Variants in USP7 observed in about 807,000 individuals in gnomAD.
USP7 encodes ubiquitin specific peptidase 7, also known as ubiquitin C-terminal hydrolase 7.
In USP7, 9 loss-of-function variants were observed where a neutral mutation model predicts 162.9. That is an observed-to-expected ratio of 0.06 (90% confidence interval 0.03 to 0.10). The LOEUF (loss-of-function observed/expected upper bound fraction) is 0.10. Ranked by LOEUF, USP7 falls within the 10% of genes least tolerant of loss-of-function variation. The probability of loss-of-function intolerance (pLI) is 1.00; values close to 1 mark genes in which losing one functional copy is unlikely to be tolerated. For synonymous variants in USP7, 562 were observed against 475.9 expected, an observed-to-expected ratio of 1.18 and a Z score of -2.35; for missense variants, 715 against 1,373.7, an observed-to-expected ratio of 0.52 and a Z score of 7.58.
intron 2 of USP7, 131 bp from the exon 3 acceptor site, chr16:8,923,544 C>G (rs1897821058): frequency 1.0e-6 from 1 of 962,186 alleles, no homozygotes; most frequent in African/African-American, 1.6e-5. Flanking sequence ...GAAAAAATTG[C>G]TTCCAATTTA....
At chr16:8,927,236 C>T (rs910672899) in intron 2 of USP7, among the ~76,000 whole-genome samples, 1 of 151,344 alleles carries the variant, frequency 6.6e-6, no homozygotes, top group Non-Finnish European at 1.5e-5. Context: ...GCAGGAGAAT[C>T]GCTTGAACCC....
chr16:8,915,104 GC>G, intron 10 of USP7, 149 bp downstream of exon 10: 1 of 722,596 alleles, frequency 1.4e-6, no homozygotes. Flanking sequence ...GAGGTAACAA[GC>G]CTGTGTTCAC....
intron 2 of USP7, among the ~76,000 whole-genome samples, chr16:8,924,369 T>C (rs1045548814): frequency 1.3e-4 from 20 of 152,246 alleles, no homozygotes; most frequent in Non-Finnish European, 2.6e-4. Context: ...TTCTAAACGC[T>C]TCCTTTCACT....
chr16:8,939,838 G>A (rs577802237), intron 1 of USP7, among the ~76,000 whole-genome samples: 50 of 152,268 alleles, frequency 3.3e-4, no homozygotes, highest in Non-Finnish European at 3.7e-4. Flanking sequence ...AGTGGCTCAC[G>A]CCTGTAATCA....
At chr16:8,927,876 G>A in intron 2 of USP7, among the ~76,000 whole-genome samples, 1 of 152,110 alleles carries the variant, frequency 6.6e-6, no homozygotes, top group East Asian at 1.9e-4. Context: ...CAAGTGCAAT[G>A]GGTCATGCCT....
At chr16:8,925,040 G>A (rs1347830899) in intron 2 of USP7, among the ~76,000 whole-genome samples, 1 of 152,158 alleles carries the variant, frequency 6.6e-6, no homozygotes, top group Non-Finnish European at 1.5e-5. Flanking sequence ...AGAATGGCGT[G>A]GTGGAATAAG....
chr16:8,919,542 CAAG>C (rs775434475), intron 5 of USP7, among the ~76,000 whole-genome samples: 239 of 152,208 alleles, frequency 1.6e-3, no homozygotes, highest in Non-Finnish European at 2.7e-3. Flanking sequence ...GACACACACA[CAAG>C]AAGAAACAGA....
At position 8,893,915 on chromosome 16, in the gene USP7, C is replaced by A. The variant is rs1816548; in HGVS notation, c.*83G>T. 8.2e-7 allele frequency: 1 copy of A among 1,217,608 alleles called. No homozygotes were observed. The highest frequency in any genetic ancestry group is 1.2e-6 in the Non-Finnish European group (1 of 822,110). The allele number at this position is 1,217,608 out of a possible 1,614,324, so 75.4% of individuals were successfully genotyped here. A position where few individuals can be genotyped will look rare whatever the true frequency, so the allele number is the denominator to read the frequency against. ...CGAATCCTCTTGCTGAAGACTTCGG[C>A]TAGAGGGCACGTGCACCAAAGTTCT... On this transcript the variant is annotated 3_prime_UTR_variant, in exon 31 of 31. Coordinates refer to ENST00000344836, the MANE Select transcript of USP7 (RefSeq NM_003470.3).
In USP7 at chr16:8,953,506, C is replaced by T. The variant is rs565841749; in HGVS notation, c.79+9701G>A. Among the ~76,000 whole-genome samples, 48 of 151,638 alleles carry T rather than the reference C, an allele frequency of 3.2e-4. 2 individuals are homozygous for T. The highest frequency in any genetic ancestry group is 1.2e-3 in the African/African-American group (48 of 41,340). On this transcript the variant is annotated intron_variant, in intron 1 of 30. Transcript: ENST00000344836. ...CGGGGGTTGGGGAGAAGACACGTGC[C>T]CCATGCGGTGCCACTGGAAGCAGAG...
chr16:8,915,584 A>T, intron 8 of USP7, 59 bp from the exon 9 acceptor site: 1 of 1,382,492 alleles, frequency 7.2e-7, no homozygotes. Context: ...TATATACAGT[A>T]ATTTTATAAT....
At chr16:8,917,755 T>G (rs940063936) in intron 6 of USP7, among the ~76,000 whole-genome samples, 1 of 152,122 alleles carries the variant, frequency 6.6e-6, no homozygotes, top group Non-Finnish European at 1.5e-5. Flanking sequence ...GAGAACTACT[T>G]TTATTTCCTA....
At chr16:8,901,848 C>A (rs987634448) in intron 18 of USP7, 2 of 546,652 alleles carry the variant, frequency 3.7e-6, no homozygotes, top group South Asian at 2.2e-5. Context: ...GCAGCTGAGA[C>A]TGAAGACAGA....
intron 2 of USP7, 126 bp downstream of exon 2, chr16:8,930,167 G>T: frequency 4.7e-6 from 3 of 639,302 alleles, no homozygotes; most frequent in Non-Finnish European, 7.8e-6. Flanking sequence ...CTCAGTTACA[G>T]CCTCCTGAAA....
At chr16:8,903,105 G>C (rs1324086157) in intron 16 of USP7, among the ~76,000 whole-genome samples, 163 bp downstream of exon 16, 1 of 152,138 alleles carries the variant, frequency 6.6e-6, no homozygotes. Context: ...TGGTTTTCTT[G>C]CACTTTCTCA....
intron 1 of USP7, among the ~76,000 whole-genome samples, chr16:8,959,380 C>T (rs887130528): frequency 2.0e-5 from 3 of 151,094 alleles, no homozygotes. Context: ...AGGATACCTT[C>T]TTCCTATATT....
chr16:8,909,784 G>C (rs2061915680), intron 11 of USP7, among the ~76,000 whole-genome samples: 1 of 152,126 alleles, frequency 6.6e-6, no homozygotes, highest in Non-Finnish European at 1.5e-5. Flanking sequence ...AAATTAGTTG[G>C]GCATAGTGGC....
intron 6 of USP7, among the ~76,000 whole-genome samples, chr16:8,918,706 G>A (rs528388432): frequency 7.0e-4 from 106 of 152,340 alleles, no homozygotes; most frequent in Non-Finnish European, 1.1e-3. Flanking sequence ...CTACTCAGGA[G>A]GCTGAGGCCA....
chr16:8,962,929 C>A (rs1417779697), intron 1 of USP7: 1 of 185,984 alleles, frequency 5.4e-6, no homozygotes, highest in Non-Finnish European at 1.1e-5. Context: ...GCTGCCTGAG[C>A]GCTCGAATTT....
At chr16:8,943,050 T>C (rs760071509) in intron 1 of USP7, among the ~76,000 whole-genome samples, 1 of 152,168 alleles carries the variant, frequency 6.6e-6, no homozygotes, top group Non-Finnish European at 1.5e-5. Context: ...TGGACCCACT[T>C]TGACGCTTTG....
Sources: gnomAD v4.1 joint callset for allele counts (sites outside exome capture counted in the v4.1 genomes callset) on GRCh38, gnomAD v4.1.1 for gene constraint, MANE v1.5 for transcripts, NCBI Gene and HGNC (gene_info 2026-07-23, HGNC 2026-07-21) for gene names.